THEMIS: variants seen among roughly 807,000 people sequenced by gnomAD.
The protein encoded by THEMIS is thymocyte selection associated.
In THEMIS, 37 loss-of-function variants were observed where a neutral mutation model predicts 52.6. The ratio of observed to expected loss-of-function variants is 0.70; its 90% CI spans 0.54 to 0.93. The LOEUF is 0.93. THEMIS is among the 40% of genes least tolerant of loss of function. The probability of loss-of-function intolerance (pLI) is 0.00; values close to 1 mark genes in which losing one functional copy is unlikely to be tolerated. For missense variants in THEMIS, 808 were observed against 763.1 expected, an observed-to-expected ratio of 1.06 and a Z score of -0.69; for synonymous variants, 292 against 272.7, an observed-to-expected ratio of 1.07 and a Z score of -0.70.
intron 2 of THEMIS, among the ~76,000 whole-genome samples, chr6:127,834,048 A>G (rs117220396): frequency 0.03 from 4,635 of 152,280 alleles, 102 homozygotes; most frequent in South Asian, 0.054. Context: ...ATCACTGAAC[A>G]TCATCAACTA....
chr6:127,895,775 A>G (rs974372532), intron 1 of THEMIS, among the ~76,000 whole-genome samples: 4 of 151,514 alleles, frequency 2.6e-5, no homozygotes, highest in Non-Finnish European at 5.9e-5. Flanking sequence ...TTCATTGAAA[A>G]TTCTACTAAA....
intron 1 of THEMIS, among the ~76,000 whole-genome samples, chr6:127,909,517 G>C (rs1159717938): frequency 6.6e-6 from 1 of 152,260 alleles, no homozygotes; most frequent in East Asian, 1.9e-4. Flanking sequence ...CACCATGATT[G>C]TAAGTTTCCT....
intron 4 of THEMIS, among the ~76,000 whole-genome samples, chr6:127,804,404 T>C (rs1777633494): frequency 6.6e-6 from 1 of 152,126 alleles, no homozygotes; most frequent in South Asian, 2.1e-4. Flanking sequence ...TAGCCTAAAT[T>C]ACCTTATCTG....
chr6:127,755,846 G>GAC (rs1775804528), intron 4 of THEMIS, among the ~76,000 whole-genome samples: 1 of 151,938 alleles, frequency 6.6e-6, no homozygotes, highest in Non-Finnish European at 1.5e-5. Flanking sequence ...GGCCAAAATG[G>GAC]AGAAACCCTG....
At chr6:127,724,534 T>C (rs942362379) in intron 4 of THEMIS, among the ~76,000 whole-genome samples, 1 of 152,040 alleles carries the variant, frequency 6.6e-6, no homozygotes, top group Non-Finnish European at 1.5e-5. Context: ...GAGAGGAACA[T>C]AGATAAATTT....
At chr6:127,718,449 A>G (rs1383345860) in intron 5 of THEMIS, among the ~76,000 whole-genome samples, 1 of 151,926 alleles carries the variant, frequency 6.6e-6, no homozygotes, top group Admixed American at 6.6e-5. Flanking sequence ...CTACTCACTC[A>G]AGGCACAAAG....
intron 4 of THEMIS, among the ~76,000 whole-genome samples, chr6:127,787,423 T>C (rs897037712): frequency 6.6e-6 from 1 of 152,184 alleles, no homozygotes; most frequent in Non-Finnish European, 1.5e-5. Flanking sequence ...TGCTCCTAGC[T>C]GACACTCTGC....
At chr6:127,899,984 G>A (rs1370376295) in intron 1 of THEMIS, among the ~76,000 whole-genome samples, 1 of 149,970 alleles carries the variant, frequency 6.7e-6, no homozygotes, top group Non-Finnish European at 1.5e-5. Context: ...AACATAATAT[G>A]TAATACATTA....
chr6:127,775,099 T>G (rs528802190), intron 4 of THEMIS, among the ~76,000 whole-genome samples: 137 of 152,220 alleles, frequency 9.0e-4, no homozygotes, highest in South Asian at 4.8e-3. Context: ...GCAGGGCATA[T>G]GTTGATTAGG....
chr6:127,754,550 A>G (rs1377734098), intron 4 of THEMIS, among the ~76,000 whole-genome samples: 1 of 152,158 alleles, frequency 6.6e-6, no homozygotes, highest in Non-Finnish European at 1.5e-5. Context: ...GATCATATAC[A>G]CTGGAACACA....
At chr6:127,858,941 C>T (rs1779707577) in intron 1 of THEMIS, among the ~76,000 whole-genome samples, 1 of 152,118 alleles carries the variant, frequency 6.6e-6, no homozygotes, top group Non-Finnish European at 1.5e-5. Context: ...TGTAATGCTA[C>T]TTTGCTCAAT....
intron 2 of THEMIS, among the ~76,000 whole-genome samples, chr6:127,844,847 G>T (rs1485409412): frequency 6.6e-6 from 1 of 151,888 alleles, no homozygotes; most frequent in Non-Finnish European, 1.5e-5. Flanking sequence ...ATGTTTTCTA[G>T]CTCATAAAAT....
intron 4 of THEMIS, 46 bp downstream of exon 4, chr6:127,812,837 T>C: frequency 1.3e-6 from 2 of 1,511,122 alleles, no homozygotes; most frequent in Non-Finnish European, 1.8e-6. Context: ...ACAAATTGCC[T>C]GAAGGAACAC....
intron 4 of THEMIS, among the ~76,000 whole-genome samples, chr6:127,761,653 T>C (rs148810619): frequency 4.5e-4 from 68 of 152,242 alleles, no homozygotes; most frequent in African/African-American, 1.5e-3. Flanking sequence ...CCTATAAAAC[T>C]AATGCACATA....
Position 127,793,479 on chromosome 6 carries a change from C to G in THEMIS, c.1758+19404G>C, listed in dbSNP as rs141492061. ...AAAGATAAAAACAGGAACCAAGTTT[C>G]TACTACATGCAGGATTAAGAAGAGA... On this transcript the variant is annotated intron_variant, in intron 4 of 5. Coordinates refer to ENST00000368248, the MANE Select transcript of THEMIS (RefSeq NM_001010923.3). Among the ~76,000 whole-genome samples, 517 of 152,170 alleles carry G rather than the reference C, an allele frequency of 3.4e-3. 3 individuals are homozygous for G. Among genetic ancestry groups the G allele is most frequent in the African/African-American group, 0.012 (479 of 41,534 alleles).
At chr6:127,878,727 T>A (rs1489896404) in intron 1 of THEMIS, among the ~76,000 whole-genome samples, 3 of 152,198 alleles carry the variant, frequency 2.0e-5, no homozygotes, top group Non-Finnish European at 4.4e-5. Flanking sequence ...CTCAATAAAT[T>A]AATAAATAGA....
chr6:127,779,346 A>G (rs1236691434), intron 4 of THEMIS, among the ~76,000 whole-genome samples: 1 of 152,156 alleles, frequency 6.6e-6, no homozygotes, highest in Non-Finnish European at 1.5e-5. Flanking sequence ...TCTCTCAGTG[A>G]GTTAACAACG....
chr6:127,731,784 G>A (rs1465964893), intron 4 of THEMIS, among the ~76,000 whole-genome samples: 1 of 138,770 alleles, frequency 7.2e-6, no homozygotes, highest in Non-Finnish European at 1.5e-5. Context: ...TGCAACCTCT[G>A]CTTGCCAGGT....
chr6:127,907,231 A>G (rs928974033), intron 1 of THEMIS, among the ~76,000 whole-genome samples: 1 of 151,572 alleles, frequency 6.6e-6, no homozygotes, highest in African/African-American at 2.4e-5. Flanking sequence ...GGATTAACCA[A>G]AAGGTGCCAT....
Sources: allele counts gnomAD v4.1 joint callset (sites outside exome capture counted in the v4.1 genomes callset), GRCh38; gene constraint gnomAD v4.1.1; transcripts MANE v1.5; gene names NCBI Gene and HGNC (gene_info 2026-07-23, HGNC 2026-07-21).